Variants in IL2RA observed in about 807,000 individuals in gnomAD.
The protein encoded by IL2RA is interleukin 2 receptor subunit alpha.
Under a neutral mutation model 37.8 loss-of-function variants are expected in IL2RA, and 24 were observed. That is an observed-to-expected ratio of 0.63 (90% CI 0.46 to 0.89). The LOEUF (loss-of-function observed/expected upper bound fraction) is 0.89, where lower values mean the gene tolerates loss of function less well. Among genes scored for constraint, IL2RA ranks in the 40% least tolerant of loss-of-function variants. IL2RA has a pLI of 0.00. For missense variants in IL2RA, 319 were observed against 348.6 expected (o/e 0.92, Z 0.68); for synonymous variants, 125 against 114.6 (o/e 1.09, Z -0.58).
At chr10:6,053,192 C>A (rs1385618412) in intron 1 of IL2RA, among the ~76,000 whole-genome samples, 1 of 152,218 alleles carries the variant, frequency 6.6e-6, no homozygotes, top group Non-Finnish European at 1.5e-5. Flanking sequence ...GGAAAAAAGG[C>A]AGGTTCTGGA....
chr10:6,040,685 T>G (rs1274328765), intron 1 of IL2RA, among the ~76,000 whole-genome samples: 1 of 152,222 alleles, frequency 6.6e-6, no homozygotes, highest in Non-Finnish European at 1.5e-5. Flanking sequence ...CTCAAGGACT[T>G]AATGGCATCT....
rs1839383251 is a variant in IL2RA, at chr10:6,021,320, T to TAA, written c.583+157_583+158insTT. ...CCATCTGATCTGGTCTATTTAAATTTTTTTTTTTTTCTCAGAATGAGAAAA... is the reference window on the plus strand; with the variant it reads ...CCATCTGATCTGGTCTATTTAAATTTAATTTTTTTTTTCTCAGAATGAGAAAA... On this transcript the variant is annotated intron_variant, in intron 4 of 7. Coordinates refer to ENST00000379959, the MANE Select transcript of IL2RA (RefSeq NM_000417.3). The surrounding 1 kb of genome is among the most constrained non-coding windows in gnomAD (Gnocchi z 4.9). 1.6e-5 allele frequency among the ~76,000 whole-genome samples: 1 copy of TAA among 63,846 alleles called. No individual in the cohort carries two copies. Among genetic ancestry groups the TAA allele is most frequent in the African/African-American group, 4.5e-5 (1 of 22,008 alleles). The allele number at this position is 63,846 out of a possible 152,430, so 41.9% of individuals were successfully genotyped here.
chr10:6,023,674 T>C (rs1338873316), intron 3 of IL2RA, among the ~76,000 whole-genome samples: 1 of 152,182 alleles, frequency 6.6e-6, no homozygotes, highest in African/African-American at 2.4e-5. Flanking sequence ...AATTCAGTCG[T>C]GGGAAAGCAG....
Position 6,019,504 on chromosome 10 carries a change from GA to G in IL2RA, c.656-6del, listed in dbSNP as rs756246170. 2 of 1,607,808 alleles carry G rather than the reference GA, an allele frequency of 1.2e-6. No homozygotes were observed. Among genetic ancestry groups the G allele is most frequent in the South Asian group, 2.2e-5 (2 of 90,914 alleles). On this transcript the variant is annotated splice_polypyrimidine_tract_variant and splice_region_variant and intron_variant, in intron 5 of 7. Transcript: ENST00000379959. ...TTTCTGTCTGTATTTGAAAATCTGT[GA>G]AAAAGAGATAAAGAGAGACACTCCT...
At chr10:6,034,438 T>A (rs1839647713) in intron 1 of IL2RA, among the ~76,000 whole-genome samples, 1 of 147,336 alleles carries the variant, frequency 6.8e-6, no homozygotes, top group East Asian at 2.0e-4. Flanking sequence ...GGAATAAATT[T>A]GGGATTTTTT....
rs1002923967 is a variant in IL2RA at position 6,020,753 on chromosome 10, G to C, written c.583+725C>G. Among the ~76,000 whole-genome samples, 2 of 152,056 alleles carry C rather than the reference G, an allele frequency of 1.3e-5. No individual in the cohort carries two copies. Among genetic ancestry groups the C allele is most frequent in the Non-Finnish European group, 2.9e-5 (2 of 68,026 alleles). On this transcript the variant is annotated intron_variant, in intron 4 of 7. Transcript: ENST00000379959. The surrounding 1 kb of genome is among the most constrained non-coding windows in gnomAD (Gnocchi z 5.6). ...TCACCATGTTGGCCAGGCTGGTCTC[G>C]AACTCCTGACCTAAAGTGATCTGCC...
rs980726905 is a variant in IL2RA at position 6,046,205 on chromosome 10, G to T, written c.64+15883C>A. Among the ~76,000 whole-genome samples the T allele has an allele frequency of 6.6e-6, 1 of 152,130 alleles. No homozygotes were observed. The highest frequency in any genetic ancestry group is 1.5e-5 in the Non-Finnish European group (1 of 68,036). On this transcript the variant is annotated intron_variant, in intron 1 of 7. Coordinates refer to ENST00000379959, the MANE Select transcript of IL2RA (RefSeq NM_000417.3). This position sits in a 1 kb window ranked among gnomAD's most constrained non-coding sequence, Gnocchi z 4.8. ...CACATTGCATACACTGTGTGTTGTT[G>T]ACAGGGATCATGCCTTTTCACAGAC...
chr10:6,021,619 C>T lies in IL2RA; in HGVS notation c.442G>A (p.Val148Ile), dbSNP rs1265156067. The change falls in exon 4 of 8, where the codon GTT becomes ATT. Residue 148 changes from valine to isoleucine, a missense_variant. Physicochemically the swap from Val to Ile is conservative, Grantham distance 29. Transcript: ENST00000379959. This position sits in a 1 kb window ranked among gnomAD's most constrained non-coding sequence, Gnocchi z 4.9. The part of the protein sequence containing the change: ...RIYHFVVGQM[V>I]YYQCVQGYRA... ...TATCCCTGGACGCACTGATAATAAA[C>T]CATCTGCCCCACCACGAAATGATAA... 4 of 1,614,132 alleles carry T rather than the reference C, an allele frequency of 2.5e-6. No homozygotes were observed. In the South Asian group the frequency reaches 4.4e-5, roughly 18 times the overall value.
Position 6,057,011 on chromosome 10 carries a change from G to A in IL2RA, c.64+5077C>T, listed in dbSNP as rs1435934586. 5.3e-5 allele frequency among the ~76,000 whole-genome samples: 8 copies of A among 152,140 alleles called. No homozygotes were observed. Among genetic ancestry groups the A allele is most frequent in the Non-Finnish European group, 1.2e-4 (8 of 68,024 alleles). ...CTGATGGAAATTTACCAGTCCCTCAGGGCTCCCTTTCCATGTCACCCTCAT... is the reference window on the plus strand; with the variant it reads ...CTGATGGAAATTTACCAGTCCCTCAAGGCTCCCTTTCCATGTCACCCTCAT... On this transcript the variant is annotated intron_variant, in intron 1 of 7. Coordinates refer to ENST00000379959, the MANE Select transcript of IL2RA (RefSeq NM_000417.3). This position sits in a 1 kb window ranked among gnomAD's most constrained non-coding sequence, Gnocchi z 4.8.
chr10:6,012,930 G>A lies in IL2RA; in HGVS notation c.795-34C>T, dbSNP rs569908109. 7 of 1,610,194 alleles carry A rather than the reference G, an allele frequency of 4.3e-6. No individual in the cohort carries two copies. In the Admixed American group the frequency reaches 6.7e-5, roughly 15 times the overall value. On this transcript the variant is annotated intron_variant, in intron 7 of 7. Coordinates refer to ENST00000379959, the MANE Select transcript of IL2RA (RefSeq NM_000417.3). The surrounding 1 kb of genome is among the most constrained non-coding windows in gnomAD (Gnocchi z 4.8). ...GTGTAACAAAGTCACGGTCATATGT[G>A]TAACACGGCACCAAAAAAATGTGGT...
Position 6,013,490 on chromosome 10 carries a change from T to G in IL2RA, c.795-594A>C, listed in dbSNP as rs145927065. 7.0e-4 allele frequency among the ~76,000 whole-genome samples: 107 copies of G among 152,330 alleles called. 1 individual carries two copies. The highest frequency in any genetic ancestry group is 2.5e-3 in the African/African-American group (102 of 41,570). Reference sequence around the variant, plus strand: ...ATGGGAATTTCTAATTACTCCCTACTTTGCACAGAGTTCCCATAGCACAAG... The same window carrying G: ...ATGGGAATTTCTAATTACTCCCTACGTTGCACAGAGTTCCCATAGCACAAG... On this transcript the variant is annotated intron_variant, in intron 7 of 7. Coordinates refer to ENST00000379959, the MANE Select transcript of IL2RA (RefSeq NM_000417.3).
rs563796741 is a variant in IL2RA, at chr10:6,025,045, C to T, written c.257-691G>A. ...CCCAGGAGTTTAAGACCAGCCTGGACAACATGGGGAAACCCCATCACTAAC... is the reference window on the plus strand; with the variant it reads ...CCCAGGAGTTTAAGACCAGCCTGGATAACATGGGGAAACCCCATCACTAAC... On this transcript the variant is annotated intron_variant, in intron 2 of 7. Transcript: ENST00000379959. The surrounding 1 kb of genome is among the most constrained non-coding windows in gnomAD (Gnocchi z 4.4). Among the ~76,000 whole-genome samples, 18 of 152,298 alleles carry T rather than the reference C, an allele frequency of 1.2e-4. 1 individual carries two copies. The South Asian group carries it at 3.3e-3, about 28-fold the overall frequency.
In IL2RA at chr10:6,058,907, A is replaced by T. The variant is rs1026571311; in HGVS notation, c.64+3181T>A. Among the ~76,000 whole-genome samples the T allele has an allele frequency of 1.3e-5, 2 of 152,188 alleles. No individual in the cohort carries two copies. The highest frequency in any genetic ancestry group is 2.9e-5 in the Non-Finnish European group (2 of 68,040). ...CTCAAGTTGACTAATATGTCCTCAT[A>T]AACCCTTGCCATGTTAAATGGTGGC... On this transcript the variant is annotated intron_variant, in intron 1 of 7. Transcript: ENST00000379959. The surrounding 1 kb of genome is among the most constrained non-coding windows in gnomAD (Gnocchi z 4.2).
At position 6,021,819 on chromosome 10, in the gene IL2RA, C is replaced by T; in HGVS notation, c.368-126G>A. ...TTGACTGCTTGCTCATCCTTTCATTCAACCAATATATGTTGAGAACGTCTG... is the reference window on the plus strand; with the variant it reads ...TTGACTGCTTGCTCATCCTTTCATTTAACCAATATATGTTGAGAACGTCTG... On this transcript the variant is annotated intron_variant, in intron 3 of 7. Coordinates refer to ENST00000379959, the MANE Select transcript of IL2RA (RefSeq NM_000417.3). This position sits in a 1 kb window ranked among gnomAD's most constrained non-coding sequence, Gnocchi z 4.9. 1 of 772,904 alleles carries T rather than the reference C, an allele frequency of 1.3e-6. No homozygotes were observed. The highest frequency in any genetic ancestry group is 2.2e-6 in the Non-Finnish European group (1 of 447,282). 47.9% of individuals were successfully genotyped at this position (772,904 alleles called of 1,614,324 possible).
chr10:6,045,935 T>C (rs1238501814), intron 1 of IL2RA, among the ~76,000 whole-genome samples: 2 of 152,184 alleles, frequency 1.3e-5, no homozygotes, highest in African/African-American at 4.8e-5. Flanking sequence ...AAAGTCATGA[T>C]GCTAAGAGTT....
intron 1 of IL2RA, among the ~76,000 whole-genome samples, chr10:6,052,407 C>A (rs1248793777): frequency 2.0e-5 from 3 of 152,190 alleles, no homozygotes; most frequent in African/African-American, 7.2e-5. Flanking sequence ...GGCTCTTATT[C>A]ATCTCTGTGT....
rs1839367367 is a variant in IL2RA at position 6,020,542 on chromosome 10, C to T, written c.584-601G>A. ...AATACTTGTGGTTGAATGTAAGTCA[C>T]TTTTTTTTTTTGAGACGGAGTCTTG... is the stretch of plus-strand genomic sequence containing the variant. On this transcript the variant is annotated intron_variant, in intron 4 of 7. Coordinates refer to ENST00000379959, the MANE Select transcript of IL2RA (RefSeq NM_000417.3). The surrounding 1 kb of genome is among the most constrained non-coding windows in gnomAD (Gnocchi z 5.6). Among the ~76,000 whole-genome samples the T allele has an allele frequency of 6.7e-6, 1 of 149,012 alleles. No individual in the cohort carries two copies. The highest frequency in any genetic ancestry group is 1.5e-5 in the Non-Finnish European group (1 of 67,048).
In IL2RA at chr10:6,020,979, G is replaced by A. The variant is rs552610335; in HGVS notation, c.583+499C>T. Among the ~76,000 whole-genome samples, 97 of 152,098 alleles carry A rather than the reference G, an allele frequency of 6.4e-4. No individual in the cohort carries two copies. The highest frequency in any genetic ancestry group is 2.2e-3 in the African/African-American group (93 of 41,486). On this transcript the variant is annotated intron_variant, in intron 4 of 7. Coordinates refer to ENST00000379959, the MANE Select transcript of IL2RA (RefSeq NM_000417.3). The surrounding 1 kb of genome is among the most constrained non-coding windows in gnomAD (Gnocchi z 5.6). ...CGCGCATGTGCACTGAGTAAGTCCCGACTCTGCACATTTTATGTTTATTTT... is the reference window on the plus strand; with the variant it reads ...CGCGCATGTGCACTGAGTAAGTCCCAACTCTGCACATTTTATGTTTATTTT...
intron 1 of IL2RA, among the ~76,000 whole-genome samples, chr10:6,061,715 G>T (rs1465201526): frequency 2.0e-5 from 3 of 152,302 alleles, no homozygotes; most frequent in Admixed American, 6.5e-5. Flanking sequence ...TAGCTTCTTA[G>T]TTGGGGGGTG....
Sources: allele counts gnomAD v4.1 joint callset (sites outside exome capture counted in the v4.1 genomes callset), GRCh38; gene constraint gnomAD v4.1.1; non-coding constraint Gnocchi (gnomAD v3.1); transcripts MANE v1.5; gene names NCBI Gene and HGNC (gene_info 2026-07-23, HGNC 2026-07-21).